SDK1: variants seen among roughly 807,000 people sequenced by gnomAD.
SDK1 encodes sidekick cell adhesion molecule 1.
In SDK1, 157 loss-of-function variants were observed where a neutral mutation model predicts 245.5. The ratio of observed to expected loss-of-function variants is 0.64; its 90% CI spans 0.56 to 0.73. The LOEUF (loss-of-function observed/expected upper bound fraction) is 0.73, where lower values mean the gene tolerates loss of function less well. Among genes scored for constraint, SDK1 ranks in the 30% least tolerant of loss-of-function variants. The pLI, the probability that SDK1 is intolerant of heterozygous loss-of-function variation, is 0.00. For synonymous variants in SDK1, 1,647 were observed against 1,278.5 expected (o/e 1.29, Z -6.15); for missense variants, 3,583 against 3,002.3 (o/e 1.19, Z -4.52).
intron 14 of SDK1, among the ~76,000 whole-genome samples, chr7:4,005,153 C>T (rs1287010914): frequency 7.0e-6 from 1 of 143,038 alleles, no homozygotes; most frequent in Non-Finnish European, 1.5e-5. Flanking sequence ...TCAAGCGATT[C>T]TCCTGCCTCA....
Position 4,266,205 on chromosome 7 carries a change from T to A in SDK1, c.*821T>A, listed in dbSNP as rs903240856. The A allele has an allele frequency of 2.6e-5, 26 of 985,392 alleles. No individual in the cohort carries two copies. Among genetic ancestry groups the A allele is most frequent in the Non-Finnish European group, 3.0e-5 (25 of 829,960 alleles). 61.0% of individuals were successfully genotyped at this position (985,392 alleles called of 1,614,324 possible). A position where few individuals can be genotyped will look rare whatever the true frequency, so the allele number is the denominator to read the frequency against. ...GGACACGAGGACACGGGACGGCGTC[T>A]CCAGAATTGCTTGTTACGTAGGAAG... On this transcript the variant is annotated 3_prime_UTR_variant, in exon 45 of 45. Coordinates refer to ENST00000404826, the MANE Select transcript of SDK1 (RefSeq NM_152744.4).
chr7:3,558,112 C>G (rs1336127635), intron 1 of SDK1, among the ~76,000 whole-genome samples: 2 of 147,794 alleles, frequency 1.4e-5, no homozygotes, highest in African/African-American at 5.0e-5. Flanking sequence ...CCAGCATATT[C>G]TATTGAAATG....
chr7:3,999,774 T>C (rs1784938899), intron 14 of SDK1, among the ~76,000 whole-genome samples: 1 of 152,190 alleles, frequency 6.6e-6, no homozygotes, highest in African/African-American at 2.4e-5. Flanking sequence ...TAATACATGC[T>C]CATTGAAGCT....
chr7:4,075,521 C>G (rs1395166223), intron 20 of SDK1, among the ~76,000 whole-genome samples: 1 of 152,116 alleles, frequency 6.6e-6, no homozygotes, highest in Non-Finnish European at 1.5e-5. Context: ...CAGCTGTTTT[C>G]TTTTGCCTGT....
intron 1 of SDK1, among the ~76,000 whole-genome samples, chr7:3,317,395 C>T (rs1478383546): frequency 6.6e-6 from 1 of 152,032 alleles, no homozygotes; most frequent in Non-Finnish European, 1.5e-5. Flanking sequence ...TTTTTGTTTT[C>T]ATCTATCTGC....
chr7:3,747,546 A>G (rs1779659758), intron 4 of SDK1, among the ~76,000 whole-genome samples: 1 of 152,358 alleles, frequency 6.6e-6, no homozygotes, highest in South Asian at 2.1e-4. Context: ...GCAGGACAGC[A>G]TGCTAAGCAC....
At chr7:3,430,950 G>T (rs1247060792) in intron 1 of SDK1, among the ~76,000 whole-genome samples, 1 of 152,212 alleles carries the variant, frequency 6.6e-6, no homozygotes, top group African/African-American at 2.4e-5. Context: ...GCTCAGGATG[G>T]AGTGCAGTGG....
intron 1 of SDK1, among the ~76,000 whole-genome samples, chr7:3,340,103 T>A (rs1308684261): frequency 6.7e-6 from 1 of 150,188 alleles, no homozygotes; most frequent in African/African-American, 2.5e-5. Flanking sequence ...GGAAATATCT[T>A]TAGTTTTAAT....
chr7:3,381,329 A>G (rs1428968632), intron 1 of SDK1, among the ~76,000 whole-genome samples: 3 of 152,128 alleles, frequency 2.0e-5, no homozygotes, highest in Middle Eastern at 3.2e-3. Context: ...AGTGAAGTCC[A>G]CTAGGAACTG....
At chr7:4,248,376 C>A (rs1443504884) in intron 44 of SDK1, among the ~76,000 whole-genome samples, 2 of 136,608 alleles carry the variant, frequency 1.5e-5, no homozygotes, top group South Asian at 2.4e-4. Flanking sequence ...ATACAACATA[C>A]ACCTAAATAC....
chr7:3,495,153 T>C (rs1178477170), intron 1 of SDK1, among the ~76,000 whole-genome samples: 2 of 152,176 alleles, frequency 1.3e-5, no homozygotes, highest in Non-Finnish European at 2.9e-5. Context: ...AGCGCTTTTC[T>C]TAGTTGCACA....
intron 4 of SDK1, among the ~76,000 whole-genome samples, chr7:3,705,526 G>T (rs552378082): frequency 6.7e-6 from 1 of 148,198 alleles, no homozygotes; most frequent in Admixed American, 6.8e-5. Flanking sequence ...TTGTAAAAGG[G>T]ATTGAGTTCA....
intron 4 of SDK1, among the ~76,000 whole-genome samples, chr7:3,722,495 C>T (rs1210969589): frequency 6.6e-6 from 1 of 152,168 alleles, no homozygotes; most frequent in African/African-American, 2.4e-5. Flanking sequence ...AGGGGGAAAG[C>T]AGGCAGGAGC....
In SDK1 at chr7:4,268,773, A is replaced by G. The variant is rs1428027054; in HGVS notation, c.*3389A>G. 1 of 1,365,384 alleles carries G rather than the reference A, an allele frequency of 7.3e-7. No individual in the cohort carries two copies. The highest frequency in any genetic ancestry group is 1.9e-5 in the Admixed American group (1 of 52,588). 84.6% of individuals were successfully genotyped at this position (1,365,384 alleles called of 1,614,324 possible). A position where few individuals can be genotyped will look rare whatever the true frequency, so the allele number is the denominator to read the frequency against. ...TAGCATGGATCCAGTCTGAAAGGTG[A>G]GGACAACGTGGAAACTCATGAGCTG... On this transcript the variant is annotated 3_prime_UTR_variant, in exon 45 of 45. Coordinates refer to ENST00000404826, the MANE Select transcript of SDK1 (RefSeq NM_152744.4).
chr7:3,367,475 T>A (rs1273976414), intron 1 of SDK1, among the ~76,000 whole-genome samples: 1 of 152,258 alleles, frequency 6.6e-6, no homozygotes, highest in African/African-American at 2.4e-5. Context: ...CAGTCAATAC[T>A]AGAAAACCAC....
At chr7:4,138,327 G>T (rs980455367) in intron 28 of SDK1, among the ~76,000 whole-genome samples, 9 of 152,182 alleles carry the variant, frequency 5.9e-5, no homozygotes, top group Non-Finnish European at 1.2e-4. Context: ...CTATTAAACA[G>T]TCATTAAAAT....
At chr7:3,503,814 A>G (rs550978502) in intron 1 of SDK1, among the ~76,000 whole-genome samples, 1 of 152,286 alleles carries the variant, frequency 6.6e-6, no homozygotes, top group African/African-American at 2.4e-5. Context: ...GTAAATGGAA[A>G]GGCGTGATGT....
chr7:4,042,338 C>G lies in SDK1; in HGVS notation c.2603-7010C>G, dbSNP rs1234238641. The stretch of plus-strand genomic sequence containing the variant: ...ACATATTTCCGTGGGATATAAAACC[C>G]CTAGTGCCTGAAACTGCTCTTCTGG... On this transcript the variant is annotated intron_variant, in intron 17 of 44. Transcript: ENST00000404826. Among the ~76,000 whole-genome samples, 2 of 135,856 alleles carry G rather than the reference C, an allele frequency of 1.5e-5. 1 individual carries two copies. Among genetic ancestry groups the G allele is most frequent in the Non-Finnish European group, 3.0e-5 (2 of 65,840 alleles). 89.1% of individuals were successfully genotyped at this position (135,856 alleles called of 152,430 possible).
At chr7:4,211,734 C>T (rs184501294) in intron 38 of SDK1, among the ~76,000 whole-genome samples, 109 of 152,274 alleles carry the variant, frequency 7.2e-4, no homozygotes, top group Middle Eastern at 6.8e-3. Flanking sequence ...CTCAGCCTCC[C>T]GAGTAGCTGG....
Sources: gnomAD v4.1 joint callset for allele counts (sites outside exome capture counted in the v4.1 genomes callset) on GRCh38, gnomAD v4.1.1 for gene constraint, MANE v1.5 for transcripts, NCBI Gene and HGNC (gene_info 2026-07-23, HGNC 2026-07-21) for gene names.